TSPAN11: variants seen among roughly 807,000 people sequenced by gnomAD.
The protein encoded by TSPAN11 is tetraspanin-11.
A neutral mutation model predicts 32.9 loss-of-function variants in TSPAN11; 29 were observed. The ratio of observed to expected loss-of-function variants is 0.88; its 90% CI spans 0.66 to 1.20. The LOEUF is 1.20. Ranked by LOEUF, TSPAN11 falls within the 50% of genes most tolerant of loss-of-function variation. The probability of loss-of-function intolerance (pLI) is 0.00; values close to 1 mark genes in which losing one functional copy is unlikely to be tolerated. For missense variants in TSPAN11, 283 were observed against 329.1 expected, an observed-to-expected ratio of 0.86 and a Z score of 1.08; for synonymous variants, 140 against 141.3, an observed-to-expected ratio of 0.99 and a Z score of 0.07.
chr12:31,010,039 G>A, the TSPAN11 span, among the ~76,000 whole-genome samples: 1 of 152,244 alleles, frequency 6.6e-6, no homozygotes, highest in South Asian at 2.1e-4. Context: ...AGAGCTAGGA[G>A]CTGGAACCAG....
intron 7 of TSPAN11, among the ~76,000 whole-genome samples, chr12:30,984,067 A>C (rs1030193526): frequency 3.3e-5 from 5 of 152,124 alleles, no homozygotes; most frequent in African/African-American, 1.2e-4. Flanking sequence ...GAAGGAGGGG[A>C]GCCAGGAAGG....
downstream of TSPAN11, among the ~76,000 whole-genome samples, chr12:30,997,936 G>A (rs181923746): frequency 2.3e-3 from 357 of 152,326 alleles, 1 homozygote; most frequent in African/African-American, 8.3e-3. Context: ...TGTCTGCAGG[G>A]CCTCTTTGGT....
chr12:30,969,669 C>T lies in TSPAN11; in HGVS notation c.276+5652C>T, dbSNP rs188988093. On this transcript the variant is annotated intron_variant, in intron 3 of 7. Transcript: ENST00000546076. ...ATGGGGTGGTTCTATGGCCAATTAG[C>T]TTCCACCACCACCTCCCTCCGATTT... Among the ~76,000 whole-genome samples the T allele has an allele frequency of 4.1e-4, 62 of 152,348 alleles. No homozygotes were observed. In the East Asian group the frequency reaches 8.5e-3, roughly 21 times the overall value.
intron 1 of TSPAN11, among the ~76,000 whole-genome samples, chr12:30,937,803 T>A (rs1938077279): frequency 6.6e-6 from 1 of 152,210 alleles, no homozygotes; most frequent in Non-Finnish European, 1.5e-5. Flanking sequence ...ACTGTAGTTT[T>A]GAAAGCCCTC....
chr12:30,959,193 C>A (rs931625292), intron 2 of TSPAN11, among the ~76,000 whole-genome samples: 2 of 152,072 alleles, frequency 1.3e-5, no homozygotes, highest in Non-Finnish European at 2.9e-5. Context: ...TGCTGGGCCG[C>A]GTTCTGAGGG....
chr12:30,947,869 G>A (rs780353961), intron 1 of TSPAN11, among the ~76,000 whole-genome samples: 1 of 152,104 alleles, frequency 6.6e-6, no homozygotes, highest in Non-Finnish European at 1.5e-5. Context: ...AAGGTCCAGA[G>A]TCCAAAGTCT....
intron 1 of TSPAN11, among the ~76,000 whole-genome samples, chr12:30,934,319 T>G (rs1020043745): frequency 2.0e-5 from 3 of 152,362 alleles, no homozygotes; most frequent in Admixed American, 6.5e-5. Context: ...TGTGGTCACA[T>G]GGACTCAGAT....
chr12:31,013,590 A>AAAAACAAAAC, the TSPAN11 span, among the ~76,000 whole-genome samples: 29,123 of 147,196 alleles, frequency 0.2, 3,113 homozygotes, highest in Middle Eastern at 0.29. Flanking sequence ...TCCTGTCTCA[A>AAAAACAAAAC]AAAACAAAAC....
chr12:30,956,472 T>C (rs1334622012), intron 2 of TSPAN11, among the ~76,000 whole-genome samples: 1 of 152,194 alleles, frequency 6.6e-6, no homozygotes, highest in African/African-American at 2.4e-5. Flanking sequence ...CAGAGCCATC[T>C]TCACCTCCAC....
chr12:30,982,734 C>T, intron 6 of TSPAN11, 44 bp downstream of exon 6: 1 of 1,516,702 alleles, frequency 6.6e-7, no homozygotes, highest in Non-Finnish European at 8.9e-7. Context: ...AGGGCCCTGG[C>T]CTGGCCGTTC....
chr12:30,937,090 A>G (rs1473960095), intron 1 of TSPAN11, among the ~76,000 whole-genome samples: 2 of 152,218 alleles, frequency 1.3e-5, no homozygotes, highest in Non-Finnish European at 1.5e-5. Flanking sequence ...GATGTGACCA[A>G]CTTTTCAAAT....
At chr12:30,928,462 TGAA>T (rs1330134395) in intron 1 of TSPAN11, among the ~76,000 whole-genome samples, 3 of 152,126 alleles carry the variant, frequency 2.0e-5, no homozygotes, top group African/African-American at 2.4e-5. Flanking sequence ...TGGACTGGGC[TGAA>T]GAAGGAGGGA....
At chr12:30,961,548 T>C (rs574187744) in intron 2 of TSPAN11, among the ~76,000 whole-genome samples, 4 of 151,882 alleles carry the variant, frequency 2.6e-5, no homozygotes, top group Non-Finnish European at 5.9e-5. Context: ...GAAAAGCTTG[T>C]TTTCTAAAGA....
Position 30,975,706 on chromosome 12 carries a change from C to T in TSPAN11, c.277-2855C>T, listed in dbSNP as rs1024081850. ...GGCAGTGGCTTCCCCCGAGAAGTGG[C>T]GTGACACTGCCAGCTATCCAGGAGT... is the stretch of plus-strand genomic sequence containing the variant. On this transcript the variant is annotated intron_variant, in intron 3 of 7. Transcript: ENST00000546076. The surrounding 1 kb of genome is among the most constrained non-coding windows in gnomAD (Gnocchi z 4.5). Among the ~76,000 whole-genome samples the T allele has an allele frequency of 1.3e-5, 2 of 151,602 alleles. No homozygotes were observed. The highest frequency in any genetic ancestry group is 6.6e-5 in the Admixed American group (1 of 15,218).
In TSPAN11 at chr12:30,965,325, C is replaced by T. The variant is rs530318077; in HGVS notation, c.276+1308C>T. Among the ~76,000 whole-genome samples, 7 of 152,334 alleles carry T rather than the reference C, an allele frequency of 4.6e-5. No homozygotes were observed. The South Asian group carries it at 1.5e-3, about 32-fold the overall frequency. ...TCAGGCTGAGCCTCTGGCCCTCACG[C>T]CTGGAGGTCTGCCCATGAGCAGGCT... On this transcript the variant is annotated intron_variant, in intron 3 of 7. Transcript: ENST00000546076.
intron 3 of TSPAN11, among the ~76,000 whole-genome samples, chr12:30,969,454 C>T (rs1029784009): frequency 2.0e-5 from 3 of 152,180 alleles, no homozygotes; most frequent in African/African-American, 4.8e-5. Context: ...CCTCATCCAG[C>T]GTGGCTTATG....
chr12:31,005,592 A>G, the TSPAN11 span, among the ~76,000 whole-genome samples: 1 of 152,226 alleles, frequency 6.6e-6, no homozygotes, highest in Non-Finnish European at 1.5e-5. Flanking sequence ...CCCTGTGCCG[A>G]CAACTCCTCC....
chr12:30,958,932 C>T (rs1348163798), intron 2 of TSPAN11, among the ~76,000 whole-genome samples: 3 of 152,154 alleles, frequency 2.0e-5, no homozygotes, highest in African/African-American at 7.2e-5. Context: ...GCAACCCCAG[C>T]CTTTCCAGGA....
chr12:30,939,281 T>C (rs1471534401), intron 1 of TSPAN11, among the ~76,000 whole-genome samples: 3 of 149,378 alleles, frequency 2.0e-5, no homozygotes, highest in African/African-American at 7.4e-5. Flanking sequence ...CCTGCCTCAC[T>C]GAGTTATTGA....
Sources: gnomAD v4.1 joint callset for allele counts (sites outside exome capture counted in the v4.1 genomes callset) on GRCh38, gnomAD v4.1.1 for gene constraint, Gnocchi (gnomAD v3.1) non-coding constraint, MANE v1.5 for transcripts, NCBI Gene and HGNC (gene_info 2026-07-23, HGNC 2026-07-21) for gene names.